The following POLI variants were observed in gnomAD, a reference collection of about 807,000 sequenced individuals.
POLI encodes RAD30 homolog B.
POLI carries 58 observed loss-of-function variants against 51.6 expected under a neutral mutation model. That is an observed-to-expected ratio of 1.12 (90% CI 0.91 to 1.40). The LOEUF is 1.40. Ranked by LOEUF, POLI falls within the 40% of genes most tolerant of loss-of-function variation. POLI has a pLI of 0.00. For missense variants in POLI, 921 were observed against 871.3 expected (o/e 1.06, Z -0.72); for synonymous variants, 322 against 299.7 (o/e 1.07, Z -0.77).
intron 4 of POLI, among the ~76,000 whole-genome samples, chr18:54,279,143 G>T (rs2144498486): frequency 6.6e-6 from 1 of 151,598 alleles, no homozygotes; most frequent in African/African-American, 2.4e-5. Context: ...TGGAATTATT[G>T]ATTAATTCTT....
intron 2 of POLI, among the ~76,000 whole-genome samples, chr18:54,273,680 G>A (rs2087110061): frequency 1.3e-5 from 2 of 152,076 alleles, no homozygotes; most frequent in Admixed American, 6.6e-5. Context: ...GAGATTAAAA[G>A]TGGGGTATGG....
At chr18:54,292,198 T>A (rs527560688) in intron 9 of POLI, among the ~76,000 whole-genome samples, 160 bp downstream of exon 9, 1 of 152,232 alleles carries the variant, frequency 6.6e-6, no homozygotes, top group East Asian at 1.9e-4. Context: ...TATCTTATGG[T>A]TTCTGGCCTT....
In POLI at chr18:54,297,018, A is replaced by C. The variant is rs2088363936; in HGVS notation, c.*2551A>C. 3 of 985,410 alleles carry C rather than the reference A, an allele frequency of 3.0e-6. No individual in the cohort carries two copies. The highest frequency in any genetic ancestry group is 4.7e-5 in the South Asian group (1 of 21,284). The allele number at this position is 985,410 out of a possible 1,614,324, so 61.0% of individuals were successfully genotyped here. A position where few individuals can be genotyped will look rare whatever the true frequency, so the allele number is the denominator to read the frequency against. ...ATTGTGTATGTTTTCCTTCAGTATG[A>C]TTTGAGTTCGTTGCTTCTCTGGGTG... On this transcript the variant is annotated 3_prime_UTR_variant, in exon 10 of 10. Transcript: ENST00000579534.
At chr18:54,303,217 T>C (rs1437653420), downstream of POLI, among the ~76,000 whole-genome samples, 1 of 152,184 alleles carries the variant, frequency 6.6e-6, no homozygotes, top group Admixed American at 6.5e-5. Context: ...CCTTCCCACT[T>C]TTCCAACAAT....
intron 8 of POLI, among the ~76,000 whole-genome samples, chr18:54,289,866 A>G (rs908679398): frequency 6.6e-6 from 1 of 152,214 alleles, no homozygotes; most frequent in Admixed American, 6.5e-5. Flanking sequence ...AACTGAAATC[A>G]TAAAAACCCT....
At chr18:54,291,635 G>A (rs904720195) in intron 8 of POLI, 198 bp from the exon 9 acceptor site, 15 of 397,524 alleles carry the variant, frequency 3.8e-5, no homozygotes, top group Non-Finnish European at 5.8e-5. Context: ...TATCAGTGTA[G>A]TATAACCAGA....
intron 8 of POLI, 36 bp from the exon 9 acceptor site, chr18:54,291,797 T>C (rs1440673200): frequency 9.4e-6 from 9 of 961,970 alleles, no homozygotes; most frequent in Non-Finnish European, 1.4e-5. Flanking sequence ...GCTCTTAATA[T>C]TAATTATAAT....
chr18:54,315,461 A>G (rs2088722123), intron 3 of POLI, among the ~76,000 whole-genome samples: 2 of 152,018 alleles, frequency 1.3e-5, no homozygotes. Flanking sequence ...GGAATATTCT[A>G]TAGATGTCTA....
intron 3 of POLI, among the ~76,000 whole-genome samples, chr18:54,314,623 ATTACTGAC>A (rs1433300522): frequency 1.3e-5 from 2 of 151,886 alleles, no homozygotes. Flanking sequence ...TTAAAAAATT[ATTACTGAC>A]TCAATTTTGG....
At position 54,285,211 on chromosome 18, in the gene POLI, C is replaced by T. The variant is rs1427621515; in HGVS notation, c.1067+1198C>T. 3.9e-5 allele frequency among the ~76,000 whole-genome samples: 6 copies of T among 152,120 alleles called. No homozygotes were observed. In the South Asian group the frequency reaches 6.2e-4, roughly 16 times the overall value. The stretch of plus-strand genomic sequence containing the variant: ...CGTGATATGACTCAGGCTGGGCCTG[C>T]GAGTATGCTAGTGAAACTGGGTCAT... On this transcript the variant is annotated intron_variant, in intron 7 of 9. Transcript: ENST00000579534.
In POLI at chr18:54,294,932, A is replaced by G; in HGVS notation, c.*465A>G. ...AAATATAGATAGTTTTGACTAAAGT[A>G]CTACATTACATTTAGTATGTTGACT... is the stretch of plus-strand genomic sequence containing the variant. On this transcript the variant is annotated 3_prime_UTR_variant, in exon 10 of 10. Coordinates refer to ENST00000579534, the MANE Select transcript of POLI (RefSeq NM_007195.3). 3.1e-6 allele frequency: 3 copies of G among 974,966 alleles called. No homozygotes were observed. The highest frequency in any genetic ancestry group is 3.7e-6 in the Non-Finnish European group (3 of 820,408). The allele number at this position is 974,966 out of a possible 1,614,324, so 60.4% of individuals were successfully genotyped here.
At chr18:54,289,488 A>G (rs981559282) in intron 8 of POLI, among the ~76,000 whole-genome samples, 1 of 152,150 alleles carries the variant, frequency 6.6e-6, no homozygotes, top group Non-Finnish European at 1.5e-5. Context: ...TTTAAATTGC[A>G]TATGGAACCA....
chr18:54,270,014 G>A lies in POLI; in HGVS notation c.115+353G>A, dbSNP rs969327798. ...TAACTTTGGAGAAGTTGAGGACCTT[G>A]TCGCTCATTTGGCAGAAGGTGGGAC... On this transcript the variant is annotated intron_variant, in intron 1 of 9. Transcript: ENST00000579534. 4.0e-5 allele frequency: 41 copies of A among 1,028,756 alleles called. 1 individual carries two copies. Among genetic ancestry groups the A allele is most frequent in the Non-Finnish European group, 4.5e-5 (39 of 858,542 alleles). The allele number at this position is 1,028,756 out of a possible 1,614,324, so 63.7% of individuals were successfully genotyped here.
At chr18:54,274,540 G>A (rs1425516397) in intron 3 of POLI, among the ~76,000 whole-genome samples, 4 of 151,448 alleles carry the variant, frequency 2.6e-5, no homozygotes, top group Non-Finnish European at 5.9e-5. Flanking sequence ...TAAAAATATT[G>A]GATATATTAA....
At chr18:54,291,582 G>A in intron 8 of POLI, 1 of 256,894 alleles carries the variant, frequency 3.9e-6, no homozygotes, top group South Asian at 8.7e-5. Context: ...TGACAATGTT[G>A]TTCAGTTTTA....
In POLI at chr18:54,297,303, T is replaced by C; in HGVS notation, c.*2836T>C. 2.0e-6 allele frequency: 2 copies of C among 981,988 alleles called. No homozygotes were observed. Among genetic ancestry groups the C allele is most frequent in the South Asian group, 4.7e-5 (1 of 21,210 alleles). 60.8% of individuals were successfully genotyped at this position (981,988 alleles called of 1,614,324 possible). A position where few individuals can be genotyped will look rare whatever the true frequency, so the allele number is the denominator to read the frequency against. On this transcript the variant is annotated 3_prime_UTR_variant, in exon 10 of 10. Coordinates refer to ENST00000579534, the MANE Select transcript of POLI (RefSeq NM_007195.3). Reference sequence around the variant, plus strand: ...CGAGTTTGTTGTTGTTTTTTTTTTTTCCTGTTTCTGTCTTGAATGTAGAGG... The same window carrying C: ...CGAGTTTGTTGTTGTTTTTTTTTTTCCCTGTTTCTGTCTTGAATGTAGAGG...
intron 9 of POLI, among the ~76,000 whole-genome samples, chr18:54,293,046 T>C (rs1422917855): frequency 6.6e-6 from 1 of 152,044 alleles, no homozygotes; most frequent in Non-Finnish European, 1.5e-5. Context: ...TACGGAGTTA[T>C]ATTTGACTAT....
chr18:54,298,194 T>G lies in POLI; in HGVS notation c.*3727T>G, dbSNP rs565571553. The G allele has an allele frequency of 2.2e-4, 66 of 299,306 alleles. 1 individual carries two copies. The highest frequency in any genetic ancestry group is 3.1e-4 in the Non-Finnish European group (62 of 202,732). The allele number at this position is 299,306 out of a possible 1,614,324, so 18.5% of individuals were successfully genotyped here. A position where few individuals can be genotyped will look rare whatever the true frequency, so the allele number is the denominator to read the frequency against. Reference sequence around the variant, plus strand: ...CATGTTAATGAGTAATTGTAACAACTATGTAACTGTCCAAGTCAAGAAATA... The same window carrying G: ...CATGTTAATGAGTAATTGTAACAACGATGTAACTGTCCAAGTCAAGAAATA... On this transcript the variant is annotated 3_prime_UTR_variant, in exon 10 of 10. Transcript: ENST00000579534.
chr18:54,311,775 C>T (rs2088673140), intron 3 of POLI, among the ~76,000 whole-genome samples: 1 of 152,050 alleles, frequency 6.6e-6, no homozygotes, highest in Non-Finnish European at 1.5e-5. Flanking sequence ...GTTTGGGTGG[C>T]CGAATAATCA....
Sources: allele counts gnomAD v4.1 joint callset (sites outside exome capture counted in the v4.1 genomes callset), GRCh38; gene constraint gnomAD v4.1.1; transcripts MANE v1.5; gene names NCBI Gene and HGNC (gene_info 2026-07-23, HGNC 2026-07-21).